The following MYO3B variants were observed in gnomAD, a reference collection of about 807,000 sequenced individuals.
MYO3B encodes the protein myosin-IIIb.
A neutral mutation model predicts 174.6 loss-of-function variants in MYO3B; 156 were observed. That is an observed-to-expected ratio of 0.89 (90% CI 0.78 to 1.02). The LOEUF (loss-of-function observed/expected upper bound fraction) is 1.02. Among genes scored for constraint, MYO3B ranks in the 50% least tolerant of loss-of-function variants. MYO3B has a pLI of 0.00. For missense variants in MYO3B, 1,632 were observed against 1,639.4 expected, an observed-to-expected ratio of 1.00 and a Z score of 0.08; for synonymous variants, 563 against 569.1, an observed-to-expected ratio of 0.99 and a Z score of 0.15.
At chr2:170,553,216 C>T (rs1241086479) in intron 32 of MYO3B, among the ~76,000 whole-genome samples, 1 of 152,158 alleles carries the variant, frequency 6.6e-6, no homozygotes, top group Non-Finnish European at 1.5e-5. Context: ...TTACTGTCCT[C>T]CAGACCCCAA....
intron 8 of MYO3B, among the ~76,000 whole-genome samples, chr2:170,359,542 A>G (rs373944923): frequency 6.6e-6 from 1 of 152,320 alleles, no homozygotes; most frequent in East Asian, 1.9e-4. Flanking sequence ...TTCTGAAAAG[A>G]TGTTCCAGCC....
chr2:170,622,116 C>T (rs1455005859), intron 32 of MYO3B, among the ~76,000 whole-genome samples: 6 of 152,182 alleles, frequency 3.9e-5, no homozygotes, highest in African/African-American at 1.4e-4. Context: ...ACATCCTTTA[C>T]TTATATAGTT....
At chr2:170,549,477 T>C (rs964563857) in intron 32 of MYO3B, among the ~76,000 whole-genome samples, 1 of 152,202 alleles carries the variant, frequency 6.6e-6, no homozygotes, top group African/African-American at 2.4e-5. Context: ...ATCACACCAC[T>C]TTCTTTCACT....
At chr2:170,292,822 A>T (rs1313788745) in intron 7 of MYO3B, among the ~76,000 whole-genome samples, 1 of 152,134 alleles carries the variant, frequency 6.6e-6, no homozygotes, top group African/African-American at 2.4e-5. Flanking sequence ...GCCAAGTTAC[A>T]GTACAGTTTC....
At chr2:170,386,044 A>T in intron 12 of MYO3B, 145 bp from the exon 13 acceptor site, 2 of 593,052 alleles carry the variant, frequency 3.4e-6, no homozygotes, top group Non-Finnish European at 6.0e-6. Context: ...AGGTTGAAGA[A>T]GGTCTCTATG....
At position 170,614,815 on chromosome 2, in the gene MYO3B, C is replaced by G. The variant is rs115612976; in HGVS notation, c.3734-36813C>G. On this transcript the variant is annotated intron_variant, in intron 32 of 34. Coordinates refer to ENST00000408978, the MANE Select transcript of MYO3B (RefSeq NM_138995.5). ...AATTCACAGGCCCTATCTCTTCTGT[C>G]TTTAGAAAGTTCCCTCCCAGCATGA... Among the ~76,000 whole-genome samples, 493 of 152,290 alleles carry G rather than the reference C, an allele frequency of 3.2e-3. 3 individuals are homozygous for G. The highest frequency in any genetic ancestry group is 0.012 in the African/African-American group (482 of 41,556).
chr2:170,586,869 T>C (rs1364353640), intron 32 of MYO3B, among the ~76,000 whole-genome samples: 1 of 152,248 alleles, frequency 6.6e-6, no homozygotes, highest in African/African-American at 2.4e-5. Flanking sequence ...CTTGGCAGCC[T>C]TTTAGAACAT....
chr2:170,434,653 G>A (rs10930431), intron 22 of MYO3B, among the ~76,000 whole-genome samples: 35,144 of 152,084 alleles, frequency 0.23, 4,903 homozygotes, highest in Non-Finnish European at 0.31. Flanking sequence ...TCAGGGTGGA[G>A]TAGGTAATTG....
At chr2:170,569,342 T>G (rs1026618766) in intron 32 of MYO3B, among the ~76,000 whole-genome samples, 1 of 152,256 alleles carries the variant, frequency 6.6e-6, no homozygotes, top group Non-Finnish European at 1.5e-5. Context: ...TGTTCTTCCC[T>G]TCACAATAAT....
At chr2:170,247,096 ACT>A (rs1182603851) in intron 7 of MYO3B, among the ~76,000 whole-genome samples, 3 of 151,848 alleles carry the variant, frequency 2.0e-5, no homozygotes, top group Non-Finnish European at 2.9e-5. Context: ...TTCTATCCAG[ACT>A]CTTCTGCAGT....
In MYO3B at chr2:170,617,914, T is replaced by C. The variant is rs547847653; in HGVS notation, c.3734-33714T>C. Among the ~76,000 whole-genome samples the C allele has an allele frequency of 6.6e-5, 10 of 152,256 alleles. No homozygotes were observed. In the South Asian group the frequency reaches 1.9e-3, roughly 28 times the overall value. ...ATTTTGTCAGCATTTGAAGACAAGT[T>C]GAGAGGACACACAGGTCTAAAGGCT... On this transcript the variant is annotated intron_variant, in intron 32 of 34. Transcript: ENST00000408978.
At chr2:170,456,746 C>T (rs980112132) in intron 23 of MYO3B, among the ~76,000 whole-genome samples, 1 of 152,138 alleles carries the variant, frequency 6.6e-6, no homozygotes, top group Non-Finnish European at 1.5e-5. Context: ...GTTATATGTG[C>T]GCAAGGCAGC....
chr2:170,601,535 A>C, intron 32 of MYO3B: 1 of 905,408 alleles, frequency 1.1e-6, no homozygotes, highest in Non-Finnish European at 1.7e-6. Context: ...TAATTTTTTT[A>C]TTTAAAAGGA....
intron 7 of MYO3B, among the ~76,000 whole-genome samples, chr2:170,269,892 C>G (rs2093413830): frequency 6.6e-6 from 1 of 152,162 alleles, no homozygotes; most frequent in African/African-American, 2.4e-5. Context: ...GTTTCTGATT[C>G]AGTAGGTTCG....
At chr2:170,480,059 A>AT (rs1685590331) in intron 25 of MYO3B, among the ~76,000 whole-genome samples, 7 of 149,340 alleles carry the variant, frequency 4.7e-5, no homozygotes, top group African/African-American at 1.5e-4. Flanking sequence ...ATATATATAT[A>AT]AAATAACACC....
intron 25 of MYO3B, among the ~76,000 whole-genome samples, chr2:170,488,369 G>A (rs1176904668): frequency 6.6e-6 from 1 of 152,082 alleles, no homozygotes; most frequent in Non-Finnish European, 1.5e-5. Context: ...GTCTACCCAG[G>A]TATGAAGACT....
chr2:170,302,463 C>T lies in MYO3B; in HGVS notation c.750-32922C>T, dbSNP rs983601484. 4.6e-5 allele frequency among the ~76,000 whole-genome samples: 7 copies of T among 152,192 alleles called. No individual in the cohort carries two copies. In the South Asian group the frequency reaches 1.4e-3, roughly 32 times the overall value. ...AATCTAAACAAGCATTACTGTCCAC[C>T]TAGTGACAATGGCCCCAATCTCAGC... is the stretch of plus-strand genomic sequence containing the variant. On this transcript the variant is annotated intron_variant, in intron 7 of 34. Transcript: ENST00000408978.
At chr2:170,324,465 C>T (rs984177750) in intron 7 of MYO3B, among the ~76,000 whole-genome samples, 2 of 152,174 alleles carry the variant, frequency 1.3e-5, no homozygotes, top group East Asian at 1.9e-4. Context: ...TTCTTTATCT[C>T]TCAAATATAT....
intron 8 of MYO3B, chr2:170,344,217 TA>T (rs557143746): frequency 6.6e-6 from 1 of 152,358 alleles, no homozygotes; most frequent in South Asian, 2.1e-4. Flanking sequence ...CCTGTAATCC[TA>T]GCACTTTTGG....
Sources: gnomAD v4.1 joint callset for allele counts (sites outside exome capture counted in the v4.1 genomes callset) on GRCh38, gnomAD v4.1.1 for gene constraint, MANE v1.5 for transcripts, NCBI Gene and HGNC (gene_info 2026-07-23, HGNC 2026-07-21) for gene names.